The following AEBP1 variants were observed in gnomAD, a reference collection of about 807,000 sequenced individuals.
AEBP1 encodes the protein adipocyte enhancer-binding protein 1.
AEBP1 carries 69 observed loss-of-function variants against 116.5 expected under a neutral mutation model. The observed-to-expected ratio is 0.59, with a 90% confidence interval of 0.49 to 0.72. The LOEUF is 0.72. Among genes scored for constraint, AEBP1 ranks in the 30% least tolerant of loss-of-function variants. The pLI is 0.00. For missense variants in AEBP1, 1,444 were observed against 1,557.5 expected (o/e 0.93, Z 1.23); for synonymous variants, 627 against 627.3 (o/e 1.00, Z 0.01).
chr7:44,104,797 G>A lies in AEBP1; in HGVS notation c.132G>A (p.Glu44=), dbSNP rs764204380. 5 of 1,610,066 alleles carry A rather than the reference G, an allele frequency of 3.1e-6. No homozygotes were observed. Among genetic ancestry groups the A allele is most frequent in the Middle Eastern group, 3.3e-4 (2 of 6,054 alleles). ...IEEFLEGFLS[E]LEPEPREDDV... is the part of the protein sequence containing the mutation. ...AGTTCCTCGAGGGCTTCCTGTCAGA[G>A]CTAGAACCTGAGCCCCGGGAGGACG... The change falls in exon 1 of 21, where the codon GAG becomes GAA. Residue 44 remains glutamate (E), a synonymous_variant. Transcript: ENST00000223357.
intron 9 of AEBP1, 90 bp from the exon 10 acceptor site, chr7:44,109,925 C>A: frequency 8.3e-7 from 1 of 1,198,170 alleles, no homozygotes; most frequent in South Asian, 1.4e-5. Flanking sequence ...CCCCGATGTG[C>A]CGGGAGTGGG....
At chr7:44,104,949 G>A in intron 1 of AEBP1, 31 bp downstream of exon 1, 4 of 1,493,368 alleles carry the variant, frequency 2.7e-6, no homozygotes, top group Non-Finnish European at 3.6e-6. Context: ...GGGGGTGTGG[G>A]GGGCTGGCAT....
At position 44,106,866 on chromosome 7, in the gene AEBP1, G is replaced by C. The variant is rs368973524; in HGVS notation, c.574G>C (p.Glu192Gln). The change falls in exon 2 of 21, where the codon GAG (glutamate) becomes CAG (glutamine). Residue 192 changes from glutamate to glutamine, a missense_variant. Transcript: ENST00000223357. The part of the protein sequence containing the change: ...PLPPPPSPGP[E>Q]ELPQEGGAPL... ...GCCCCCACCCCCCAGCCCTGGCCCC[G>C]AGGAGCTACCCCAGGAGGGAGGTTT... 4 of 1,589,072 alleles carry C rather than the reference G, an allele frequency of 2.5e-6. No homozygotes were observed. Among genetic ancestry groups the C allele is most frequent in the East Asian group, 4.5e-5 (2 of 44,206 alleles).
At position 44,108,999 on chromosome 7, in the gene AEBP1, C is replaced by T. The variant is rs200777597; in HGVS notation, c.1018+23C>T. The T allele has an allele frequency of 6.2e-7, 1 of 1,605,874 alleles. No homozygotes were observed. Among genetic ancestry groups the T allele is most frequent in the East Asian group, 2.3e-5 (1 of 44,374 alleles). ...TGAGTGAGTGGGACCAAGGACTTCC[C>T]ACACCAGGCCTGCCCTGAAGGCCAC... On this transcript the variant is annotated intron_variant, in intron 7 of 20. Coordinates refer to ENST00000223357, the MANE Select transcript of AEBP1 (RefSeq NM_001129.5). This position sits in a 1 kb window ranked among gnomAD's most constrained non-coding sequence, Gnocchi z 5.0.
chr7:44,109,938 C>T (rs980011897), intron 9 of AEBP1, 77 bp from the exon 10 acceptor site: 1 of 1,362,278 alleles, frequency 7.3e-7, no homozygotes, highest in African/African-American at 1.4e-5. Context: ...GGAGTGGGCT[C>T]TGGGCTCCTT....
At position 44,108,689 on chromosome 7, in the gene AEBP1, G is replaced by A. The variant is rs1028843885; in HGVS notation, c.941-210G>A. Among the ~76,000 whole-genome samples the A allele has an allele frequency of 4.7e-4, 72 of 152,244 alleles. No individual in the cohort carries two copies. The highest frequency in any genetic ancestry group is 1.6e-3 in the African/African-American group (66 of 41,534). On this transcript the variant is annotated intron_variant, in intron 6 of 20. Coordinates refer to ENST00000223357, the MANE Select transcript of AEBP1 (RefSeq NM_001129.5). The surrounding 1 kb of genome is among the most constrained non-coding windows in gnomAD (Gnocchi z 5.0). ...CCAGGCCAGATGCTCCTGGAAGGCCGGGCTGGTGACTTCAGCAGGGTCTTG... is the reference window on the plus strand; with the variant it reads ...CCAGGCCAGATGCTCCTGGAAGGCCAGGCTGGTGACTTCAGCAGGGTCTTG...
At position 44,110,296 on chromosome 7, in the gene AEBP1, G is replaced by A. The variant is rs375790313; in HGVS notation, c.1350G>A (p.Arg450=). The A allele has an allele frequency of 3.7e-5, 59 of 1,613,656 alleles. No homozygotes were observed. In the East Asian group the frequency reaches 1.1e-3, roughly 29 times the overall value. The change falls in exon 11 of 21, where the codon AGG becomes AGA. Residue 450 remains arginine (R), a synonymous_variant. Transcript: ENST00000223357. ...RTQWIEVDTR[R]TTRFTGVITQ... ...AGTGGATAGAGGTGGACACCAGGAG[G>A]ACTACCCGGTTCACAGGCGTCATCA... is the stretch of plus-strand genomic sequence containing the variant.
At position 44,107,753 on chromosome 7, in the gene AEBP1, G is replaced by A. The variant is rs375816630; in HGVS notation, c.739+53G>A. Reference sequence around the variant, plus strand: ...GGGTCGGACCCCTGGCCTGGGGGATGTGCCAATGGGCCCATCCCAGCCTTG... The same window carrying A: ...GGGTCGGACCCCTGGCCTGGGGGATATGCCAATGGGCCCATCCCAGCCTTG... On this transcript the variant is annotated intron_variant, in intron 4 of 20. Transcript: ENST00000223357. The surrounding 1 kb of genome is among the most constrained non-coding windows in gnomAD (Gnocchi z 4.3). 3 of 1,612,910 alleles carry A rather than the reference G, an allele frequency of 1.9e-6. No individual in the cohort carries two copies. The highest frequency in any genetic ancestry group is 2.7e-5 in the African/African-American group (2 of 74,828).
Position 44,113,959 on chromosome 7 carries a change from A to G in AEBP1, c.3175A>G (p.Thr1059Ala), listed in dbSNP as rs1156373127. Residue 1059 changes from threonine (T) to alanine (A), a missense_variant, in exon 21 of 21, where the codon ACC becomes GCC. Thr to Ala is a moderately conservative substitution (Grantham distance 58). Coordinates refer to ENST00000223357, the MANE Select transcript of AEBP1 (RefSeq NM_001129.5). This position sits in a 1 kb window ranked among gnomAD's most constrained non-coding sequence, Gnocchi z 5.3. ...TCCCACGCTGCCCCCTGCCCCTGCC[A>G]CCACCCTGAGCACTACCATAGAGCC... ...VPPTLPPAPATTLSTTIEPWG... is the reference protein window; with the variant it reads ...VPPTLPPAPAATLSTTIEPWG... 2 of 1,613,414 alleles carry G rather than the reference A, an allele frequency of 1.2e-6. No individual in the cohort carries two copies. The highest frequency in any genetic ancestry group is 1.1e-5 in the South Asian group (1 of 91,016).
Position 44,111,644 on chromosome 7 carries a change from G to T in AEBP1, c.1840+14G>T, listed in dbSNP as rs1454863939. 2 of 1,610,366 alleles carry T rather than the reference G, an allele frequency of 1.2e-6. No homozygotes were observed. Among genetic ancestry groups the T allele is most frequent in the East Asian group, 4.5e-5 (2 of 44,866 alleles). The stretch of plus-strand genomic sequence containing the variant: ...AGCATGAACTGGGTGAGGGTCTGTG[G>T]GGGCCAGCAGCTGGCCTCTGCTGCT... On this transcript the variant is annotated intron_variant, in intron 15 of 20. Transcript: ENST00000223357. The surrounding 1 kb of genome is among the most constrained non-coding windows in gnomAD (Gnocchi z 4.7).
chr7:44,112,593 G>T lies in AEBP1; in HGVS notation c.2253G>T (p.Met751Ile), dbSNP rs1418325938. ...AGGTCCGGGCCATCATTGCCTGGATGGAGAAGAACCCCTTCGTGCTGGGAG... is the reference window on the plus strand; with the variant it reads ...AGGTCCGGGCCATCATTGCCTGGATTGAGAAGAACCCCTTCGTGCTGGGAG... ...STEVRAIIAW[M>I]EKNPFVLGAN... is the part of the protein sequence containing the mutation. Residue 751 changes from methionine to isoleucine, a missense_variant, in exon 18 of 21, where the codon ATG becomes ATT. Met to Ile is a conservative substitution (Grantham distance 10, BLOSUM62 1). Transcript: ENST00000223357. The surrounding 1 kb of genome is among the most constrained non-coding windows in gnomAD (Gnocchi z 6.6). 4 of 1,602,794 alleles carry T rather than the reference G, an allele frequency of 2.5e-6. No individual in the cohort carries two copies. Among genetic ancestry groups the T allele is most frequent in the Non-Finnish European group, 1.7e-6 (2 of 1,172,066 alleles).
Position 44,111,289 on chromosome 7 carries a change from C to G in AEBP1, c.1716+50C>G. On this transcript the variant is annotated intron_variant, in intron 14 of 20. Transcript: ENST00000223357. This position sits in a 1 kb window ranked among gnomAD's most constrained non-coding sequence, Gnocchi z 4.7. ...GGGGGTGGGACCTGTCTGTGGCTGA[C>G]GGGAGTGTGTGCCTGGTGCTTCTGT... 1 of 1,477,352 alleles carries G rather than the reference C, an allele frequency of 6.8e-7. No homozygotes were observed. The highest frequency in any genetic ancestry group is 9.0e-7 in the Non-Finnish European group (1 of 1,109,742). The allele number at this position is 1,477,352 out of a possible 1,614,324, so 91.5% of individuals were successfully genotyped here. A position where few individuals can be genotyped will look rare whatever the true frequency, so the allele number is the denominator to read the frequency against.
In AEBP1 at chr7:44,107,788, C is replaced by G. The variant is rs919846958; in HGVS notation, c.740-21C>G. The G allele has an allele frequency of 6.2e-6, 10 of 1,612,346 alleles. No individual in the cohort carries two copies. In the African/African-American group the frequency reaches 1.3e-4, roughly 22 times the overall value. On this transcript the variant is annotated intron_variant, in intron 4 of 20. Coordinates refer to ENST00000223357, the MANE Select transcript of AEBP1 (RefSeq NM_001129.5). The surrounding 1 kb of genome is among the most constrained non-coding windows in gnomAD (Gnocchi z 4.3). ...GCCCATCCCAGCCTTGGGCCCCACT[C>G]TGAGCCAGCCTCCCCCTCAGTTGAG... is the stretch of plus-strand genomic sequence containing the variant.
chr7:44,113,576 A>G lies in AEBP1; in HGVS notation c.2810-18A>G, dbSNP rs777516678. On this transcript the variant is annotated intron_variant, in intron 20 of 20. Coordinates refer to ENST00000223357, the MANE Select transcript of AEBP1 (RefSeq NM_001129.5). The surrounding 1 kb of genome is among the most constrained non-coding windows in gnomAD (Gnocchi z 5.3). ...GGGAGGGGCGCTCTGGGGCAGCCGG[A>G]TCGTTCTCCCTCCGCAGCCAGTGGT... is the stretch of plus-strand genomic sequence containing the variant. 3.8e-6 allele frequency: 6 copies of G among 1,598,906 alleles called. No individual in the cohort carries two copies. The African/African-American group carries it at 6.7e-5, about 18-fold the overall frequency.
At position 44,114,260 on chromosome 7, in the gene AEBP1, G is replaced by A; in HGVS notation, c.3476G>A (p.Ter1159=). The change falls in exon 21 of 21, where the codon TGA becomes TAA. Residue 1159 remains the stop codon, a stop_retained_variant. Coordinates refer to ENST00000223357, the MANE Select transcript of AEBP1 (RefSeq NM_001129.5). ...TACACAGTGAACTTTGGGGACTTCT[G>A]AGATCAGCGTCCTACCAAGACCCCA... ...ETYTVNFGDF[*] The A allele has an allele frequency of 1.2e-6, 2 of 1,613,440 alleles. No homozygotes were observed. The highest frequency in any genetic ancestry group is 1.7e-6 in the Non-Finnish European group (2 of 1,179,442).
In AEBP1 at chr7:44,107,005, A is replaced by T; in HGVS notation, c.595+118A>T. On this transcript the variant is annotated intron_variant, in intron 2 of 20. Transcript: ENST00000223357. This position sits in a 1 kb window ranked among gnomAD's most constrained non-coding sequence, Gnocchi z 4.3. The stretch of plus-strand genomic sequence containing the variant: ...CTATAGACCTTCAGCTCCCCACTGG[A>T]TGGGAACCTCACTTTTGCTATAAAT... The T allele has an allele frequency of 4.0e-6, 3 of 751,084 alleles. No individual in the cohort carries two copies. Among genetic ancestry groups the T allele is most frequent in the Non-Finnish European group, 4.2e-6 (2 of 471,872 alleles). 46.5% of individuals were successfully genotyped at this position (751,084 alleles called of 1,614,324 possible). A position where few individuals can be genotyped will look rare whatever the true frequency, so the allele number is the denominator to read the frequency against.
rs1227187593 is a variant in AEBP1 at position 44,104,624 on chromosome 7, C to G, written c.-42C>G. On this transcript the variant is annotated 5_prime_UTR_variant, in exon 1 of 21. Coordinates refer to ENST00000223357, the MANE Select transcript of AEBP1 (RefSeq NM_001129.5). ...TTTCCCAGAGACCCAGAGCCCCTGA[C>G]CCCCCGCGCCCTCCCCGGAGCCCCC... 19 of 1,368,722 alleles carry G rather than the reference C, an allele frequency of 1.4e-5. No individual in the cohort carries two copies. Among genetic ancestry groups the G allele is most frequent in the Middle Eastern group, 2.5e-4 (1 of 3,982 alleles). 84.8% of individuals were successfully genotyped at this position (1,368,722 alleles called of 1,614,324 possible). A position where few individuals can be genotyped will look rare whatever the true frequency, so the allele number is the denominator to read the frequency against.
rs764369368 is a variant in AEBP1 at position 44,107,817 on chromosome 7, A to C, written c.748A>C (p.Ile250Leu). ...GCCAGCCTCCCCCTCAGTTGAGTACATTCGGCGCCAGAAGCAACCCAGGCC... is the reference window on the plus strand; with the variant it reads ...GCCAGCCTCCCCCTCAGTTGAGTACCTTCGGCGCCAGAAGCAACCCAGGCC... ...EREDYEDFEY[I>L]RRQKQPRPPP... Residue 250 changes from isoleucine to leucine, a missense_variant, in exon 5 of 21, where the codon ATT (isoleucine) becomes CTT (leucine). Transcript: ENST00000223357. This position sits in a 1 kb window ranked among gnomAD's most constrained non-coding sequence, Gnocchi z 4.3. 1.6e-5 allele frequency: 26 copies of C among 1,611,784 alleles called. No individual in the cohort carries two copies. The highest frequency in any genetic ancestry group is 1.9e-5 in the Non-Finnish European group (23 of 1,179,490).
chr7:44,108,758 C>T lies in AEBP1; in HGVS notation c.941-141C>T. On this transcript the variant is annotated intron_variant, in intron 6 of 20. Transcript: ENST00000223357. The surrounding 1 kb of genome is among the most constrained non-coding windows in gnomAD (Gnocchi z 5.0). ...CGGGCTGCTCCTGACTCCTGCAAGACCCTCTCCCAACTCAGCTGTCCCCCA... is the reference window on the plus strand; with the variant it reads ...CGGGCTGCTCCTGACTCCTGCAAGATCCTCTCCCAACTCAGCTGTCCCCCA... 1 of 742,724 alleles carries T rather than the reference C, an allele frequency of 1.3e-6. No homozygotes were observed. Among genetic ancestry groups the T allele is most frequent in the Non-Finnish European group, 2.2e-6 (1 of 445,920 alleles). The allele number at this position is 742,724 out of a possible 1,614,324, so 46.0% of individuals were successfully genotyped here. A position where few individuals can be genotyped will look rare whatever the true frequency, so the allele number is the denominator to read the frequency against.
Sources: allele counts gnomAD v4.1 joint callset (sites outside exome capture counted in the v4.1 genomes callset), GRCh38; gene constraint gnomAD v4.1.1; non-coding constraint Gnocchi (gnomAD v3.1); transcripts MANE v1.5; gene names NCBI Gene and HGNC (gene_info 2026-07-23, HGNC 2026-07-21).